Variants in AKAP6 observed in about 807,000 individuals in gnomAD.
AKAP6 encodes A-kinase anchor protein 6.
A neutral mutation model predicts 188.5 loss-of-function variants in AKAP6; 58 were observed. The observed-to-expected ratio is 0.31, with a 90% CI of 0.25 to 0.38. AKAP6 has a LOEUF of 0.38. Among genes scored for constraint, AKAP6 ranks in the 10% least tolerant of loss-of-function variants. AKAP6 has a pLI of 1.00. For synonymous variants in AKAP6, 989 were observed against 998.6 expected, an observed-to-expected ratio of 0.99 and a Z score of 0.18; for missense variants, 2,710 against 2,740.0, an observed-to-expected ratio of 0.99 and a Z score of 0.24.
intron 2 of AKAP6, among the ~76,000 whole-genome samples, chr14:32,470,151 G>C (rs1878692900): frequency 6.6e-6 from 1 of 152,066 alleles, no homozygotes; most frequent in Non-Finnish European, 1.5e-5. Flanking sequence ...ACATCAACTA[G>C]GCTATTTGAT....
intron 2 of AKAP6, among the ~76,000 whole-genome samples, chr14:32,453,798 C>T (rs1226185012): frequency 2.1e-5 from 3 of 141,002 alleles, no homozygotes. Flanking sequence ...GGGGTTTCAC[C>T]GTGGTCTCGA....
intron 12 of AKAP6, among the ~76,000 whole-genome samples, chr14:32,782,724 CA>C (rs926642833): frequency 2.1e-4 from 32 of 152,142 alleles, no homozygotes; most frequent in African/African-American, 7.0e-4. Flanking sequence ...CAAACAGCTA[CA>C]AAATATTGCT....
rs1555327187 is a variant in AKAP6, at chr14:32,420,909, T to TTTTGTGTGTGTGTGTGTGTGTGTG, written c.-34-12550_-34-12549insTTGTGTGTGTGTGTGTGTGTGTGT. 8.5e-4 allele frequency among the ~76,000 whole-genome samples: 125 copies of TTTTGTGTGTGTGTGTGTGTGTGTG among 146,516 alleles called. 1 individual carries two copies. The highest frequency in any genetic ancestry group is 3.0e-3 in the African/African-American group (120 of 39,774). On this transcript the variant is annotated intron_variant, in intron 1 of 13. Coordinates refer to ENST00000280979, the MANE Select transcript of AKAP6 (RefSeq NM_004274.5). Reference sequence around the variant, plus strand: ...TAAGAAAAGTGTGCAGGAGATTGATTTGTGTGTGTGTGTGTGTGTGTGTGT... The same window carrying TTTTGTGTGTGTGTGTGTGTGTGTG: ...TAAGAAAAGTGTGCAGGAGATTGATTTTTGTGTGTGTGTGTGTGTGTGTGTGTGTGTGTGTGTGTGTGTGTGTGT...
At chr14:32,590,114 T>C (rs1885425718) in intron 5 of AKAP6, among the ~76,000 whole-genome samples, 1 of 152,188 alleles carries the variant, frequency 6.6e-6, no homozygotes, top group African/African-American at 2.4e-5. Context: ...GAAATAAACA[T>C]GTTTTATGTG....
chr14:32,521,210 A>G (rs957230481), intron 2 of AKAP6, among the ~76,000 whole-genome samples: 1 of 152,314 alleles, frequency 6.6e-6, no homozygotes, highest in East Asian at 1.9e-4. Context: ...GCTATTTATG[A>G]TAAACTCACA....
At chr14:32,796,419 G>A (rs181916639) in intron 12 of AKAP6, among the ~76,000 whole-genome samples, 3 of 152,222 alleles carry the variant, frequency 2.0e-5, no homozygotes, top group Admixed American at 2.0e-4. Context: ...GCATGGTACT[G>A]GTACAAGAAC....
At chr14:32,825,167 G>A (rs2034643863) in intron 13 of AKAP6, among the ~76,000 whole-genome samples, 1 of 152,162 alleles carries the variant, frequency 6.6e-6, no homozygotes, top group South Asian at 2.1e-4. Context: ...TGCATGCATA[G>A]TAACAATGCT....
rs577651817 is a variant in AKAP6, at chr14:32,461,176, G to A, written c.324+27359G>A. On this transcript the variant is annotated intron_variant, in intron 2 of 13. Coordinates refer to ENST00000280979, the MANE Select transcript of AKAP6 (RefSeq NM_004274.5). ...TGTTCCTGCCTGTTCTCTGAAATGA[G>A]CAGCTGATCCTGACAAGAGGGATTC... Among the ~76,000 whole-genome samples the A allele has an allele frequency of 1.5e-3, 225 of 152,298 alleles. 1 individual carries two copies. Among genetic ancestry groups the A allele is most frequent in the African/African-American group, 5.2e-3 (218 of 41,556 alleles).
At chr14:32,402,336 A>G (rs190404272) in intron 1 of AKAP6, among the ~76,000 whole-genome samples, 1 of 152,364 alleles carries the variant, frequency 6.6e-6, no homozygotes, top group African/African-American at 2.4e-5. Context: ...TGGTCAGAAA[A>G]TAAAGTTCTT....
In AKAP6 at chr14:32,824,325, T is replaced by A. The variant is rs4647899; in HGVS notation, c.6512T>A (p.Phe2171Tyr). Residue 2171 changes from phenylalanine to tyrosine, a missense_variant, in exon 13 of 14, where the codon TTC becomes TAC. Phe to Tyr is a conservative substitution (Grantham distance 22, BLOSUM62 3). Transcript: ENST00000280979. ...EGDSDGEEPCFSSAPPNESAV... is the reference protein window; with the variant it reads ...EGDSDGEEPCYSSAPPNESAV... ...GACTCTGATGGAGAGGAGCCTTGTT[T>A]CTCTAGTGCTCCTCCAAATGAATCT... The A allele has an allele frequency of 0.29, 468,198 of 1,613,312 alleles. 69,572 individuals carry two copies. Among genetic ancestry groups the A allele is most frequent in the Admixed American group, 0.44 (26,366 of 59,800 alleles).
At chr14:32,464,969 C>T (rs748538412) in intron 2 of AKAP6, among the ~76,000 whole-genome samples, 3 of 151,906 alleles carry the variant, frequency 2.0e-5, no homozygotes, top group East Asian at 1.9e-4. Flanking sequence ...AGTCAAATCA[C>T]GAGTGAACTC....
intron 9 of AKAP6, among the ~76,000 whole-genome samples, chr14:32,706,807 A>G (rs1890829882): frequency 6.6e-6 from 1 of 152,050 alleles, no homozygotes; most frequent in African/African-American, 2.4e-5. Flanking sequence ...CACAAAACAC[A>G]CAAACACACT....
intron 1 of AKAP6, among the ~76,000 whole-genome samples, chr14:32,410,922 CATAA>C (rs1889462062): frequency 6.6e-6 from 1 of 152,058 alleles, no homozygotes; most frequent in African/African-American, 2.4e-5. Context: ...TTAATTCAAG[CATAA>C]ATTGTAAGTG....
intron 7 of AKAP6, among the ~76,000 whole-genome samples, chr14:32,608,468 C>T (rs1038306200): frequency 1.3e-5 from 2 of 148,810 alleles, no homozygotes; most frequent in African/African-American, 5.0e-5. Flanking sequence ...CCACTGCACT[C>T]CAGCCTGAGT....
At chr14:32,801,125 C>A (rs76786655) in intron 12 of AKAP6, among the ~76,000 whole-genome samples, 8,293 of 152,076 alleles carry the variant, frequency 0.055, 301 homozygotes, top group South Asian at 0.21. Context: ...TTATTTAGAC[C>A]CTTCATATTT....
intron 4 of AKAP6, among the ~76,000 whole-genome samples, chr14:32,565,663 C>G (rs1884151909): frequency 6.6e-6 from 1 of 152,224 alleles, no homozygotes; most frequent in African/African-American, 2.4e-5. Flanking sequence ...TGCATCAAAA[C>G]TTTAATGACC....
chr14:32,589,868 C>A (rs1566592425), intron 5 of AKAP6, among the ~76,000 whole-genome samples: 1 of 152,154 alleles, frequency 6.6e-6, no homozygotes, highest in Non-Finnish European at 1.5e-5. Context: ...AGGCTCCATG[C>A]ACAGGCTGAA....
At chr14:32,353,839 G>A (rs1320752811) in intron 1 of AKAP6, among the ~76,000 whole-genome samples, 1 of 152,056 alleles carries the variant, frequency 6.6e-6, no homozygotes, top group Non-Finnish European at 1.5e-5. Context: ...GCCAAATCAT[G>A]AGTGAATTCC....
chr14:32,599,025 T>A (rs919120581), intron 5 of AKAP6, among the ~76,000 whole-genome samples: 2 of 152,192 alleles, frequency 1.3e-5, no homozygotes, highest in African/African-American at 2.4e-5. Flanking sequence ...TATTTTATGC[T>A]GCCAATTTTT....
Sources: allele counts gnomAD v4.1 joint callset (sites outside exome capture counted in the v4.1 genomes callset), GRCh38; gene constraint gnomAD v4.1.1; transcripts MANE v1.5; gene names NCBI Gene and HGNC (gene_info 2026-07-23, HGNC 2026-07-21).